The following SKIC3 variants were observed in gnomAD, a reference collection of about 807,000 sequenced individuals.
SKIC3 encodes superkiller complex protein 3.
chr5:95,549,545 C>A, the SKIC3 span, among the ~76,000 whole-genome samples: 1 of 151,898 alleles, frequency 6.6e-6, no homozygotes, highest in Non-Finnish European at 1.5e-5. Flanking sequence ...AATTACAATT[C>A]TTCATGCTAC....
chr5:95,471,604 G>A, the SKIC3 span, among the ~76,000 whole-genome samples: 11 of 151,224 alleles, frequency 7.3e-5, no homozygotes, highest in Non-Finnish European at 1.5e-4. Context: ...TCCCTGCCCC[G>A]CCCCAATTCC....
chr5:95,476,142 A>G, the SKIC3 span, among the ~76,000 whole-genome samples: 1 of 152,208 alleles, frequency 6.6e-6, no homozygotes, highest in South Asian at 2.1e-4. Flanking sequence ...GTCCTTGCCC[A>G]GGAACCCATG....
the SKIC3 span, among the ~76,000 whole-genome samples, chr5:95,514,147 C>G: frequency 4.6e-5 from 7 of 152,164 alleles, no homozygotes; most frequent in Non-Finnish European, 1.0e-4. Context: ...CAAAAGATCT[C>G]TAAACCCTGA....
At chr5:95,478,113 AGATTT>A in the SKIC3 span, among the ~76,000 whole-genome samples, 1 of 152,188 alleles carries the variant, frequency 6.6e-6, no homozygotes, top group Non-Finnish European at 1.5e-5. Context: ...TGTAGTCTAT[AGATTT>A]ATGTTGCTCT....
At chr5:95,519,949 G>A in the SKIC3 span, among the ~76,000 whole-genome samples, 2 of 151,918 alleles carry the variant, frequency 1.3e-5, no homozygotes, top group Non-Finnish European at 2.9e-5. Context: ...AAAATTCAGT[G>A]AGATAAAAAA....
At chr5:95,533,817 A>G in the SKIC3 span, among the ~76,000 whole-genome samples, 3 of 152,164 alleles carry the variant, frequency 2.0e-5, no homozygotes, top group Admixed American at 2.0e-4. Context: ...AAAACTCTGT[A>G]GACTATTGTT....
At chr5:95,478,087 A>G in the SKIC3 span, among the ~76,000 whole-genome samples, 1 of 152,110 alleles carries the variant, frequency 6.6e-6, no homozygotes, top group African/African-American at 2.4e-5. Context: ...TTCCCCAAAC[A>G]TCGACAATAT....
At chr5:95,528,315 C>G in the SKIC3 span, among the ~76,000 whole-genome samples, 1 of 152,178 alleles carries the variant, frequency 6.6e-6, no homozygotes, top group Non-Finnish European at 1.5e-5. Flanking sequence ...TCTTCCCTGA[C>G]TTCCTTATGG....
the SKIC3 span, chr5:95,514,857 G>C: frequency 6.2e-7 from 1 of 1,611,508 alleles, no homozygotes; most frequent in African/African-American, 1.3e-5. Context: ...TTTCTTACTT[G>C]TCCAATCCAG....
At chr5:95,527,400 T>C in the SKIC3 span, among the ~76,000 whole-genome samples, 9 of 152,316 alleles carry the variant, frequency 5.9e-5, no homozygotes, top group Middle Eastern at 3.4e-3. Context: ...AAAGAAATAT[T>C]ATGAAATACA....
the SKIC3 span, among the ~76,000 whole-genome samples, chr5:95,531,433 G>A: frequency 2.0e-5 from 3 of 152,160 alleles, no homozygotes; most frequent in Non-Finnish European, 4.4e-5. Flanking sequence ...TTCCAGGCAT[G>A]AACTTCCTTG....
the SKIC3 span, among the ~76,000 whole-genome samples, chr5:95,535,278 T>C: frequency 6.6e-6 from 1 of 151,744 alleles, no homozygotes; most frequent in African/African-American, 2.4e-5. Flanking sequence ...CATCTGCTTC[T>C]ACCAAAACCA....
chr5:95,503,930 C>T, the SKIC3 span: 1 of 1,613,866 alleles, frequency 6.2e-7, no homozygotes, highest in African/African-American at 1.3e-5. Flanking sequence ...ATCATATTCA[C>T]CAGTGGAACT....
the SKIC3 span, among the ~76,000 whole-genome samples, chr5:95,497,728 ATAAT>A: frequency 1.3e-5 from 2 of 152,260 alleles, no homozygotes; most frequent in Admixed American, 6.5e-5. Flanking sequence ...AAGTCATGAG[ATAAT>A]TAAGAAAAGT....
the SKIC3 span, chr5:95,513,533 C>T: frequency 6.3e-7 from 1 of 1,594,628 alleles, no homozygotes; most frequent in Non-Finnish European, 8.6e-7. Context: ...ACACTTTTCT[C>T]ATTAATGAAT....
At chr5:95,507,326 G>A in the SKIC3 span, among the ~76,000 whole-genome samples, 2 of 152,062 alleles carry the variant, frequency 1.3e-5, no homozygotes, top group African/African-American at 4.8e-5. Context: ...GACATATTTG[G>A]AGTTTATAGA....
the SKIC3 span, chr5:95,478,545 G>A: frequency 5.3e-6 from 8 of 1,504,258 alleles, no homozygotes; most frequent in African/African-American, 1.4e-5. Flanking sequence ...TAGTAAAAAT[G>A]TTTTTAGTTA....
At chr5:95,509,849 A>C in the SKIC3 span, among the ~76,000 whole-genome samples, 1 of 152,232 alleles carries the variant, frequency 6.6e-6, no homozygotes, top group Non-Finnish European at 1.5e-5. Flanking sequence ...ATGTCAGTAA[A>C]AACTTTATTA....
the SKIC3 span, chr5:95,498,312 G>T: frequency 6.5e-7 from 1 of 1,541,076 alleles, no homozygotes; most frequent in Non-Finnish European, 9.0e-7. Context: ...AAGTCCCAAT[G>T]TCAAATGCAA....
Sources: gnomAD v4.1 joint callset for allele counts (sites outside exome capture counted in the v4.1 genomes callset) on GRCh38, gnomAD v4.1.1 for gene constraint, MANE v1.5 for transcripts, NCBI Gene and HGNC (gene_info 2026-07-23, HGNC 2026-07-21) for gene names.